The following APP variants were observed in gnomAD, a reference collection of about 807,000 sequenced individuals.
APP encodes amyloid beta precursor protein, also known as amyloid-beta precursor protein.
A neutral mutation model predicts 101.4 loss-of-function variants in APP; 31 were observed. That is an observed-to-expected ratio of 0.31 (90% CI 0.23 to 0.41). APP has a LOEUF of 0.41. APP is among the 10% of genes least tolerant of loss of function. The pLI, the probability that APP is intolerant of heterozygous loss-of-function variation, is 1.00. For synonymous variants in APP, 366 were observed against 364.4 expected (o/e 1.00, Z -0.05); for missense variants, 839 against 1,003.7 (o/e 0.84, Z 2.22).
chr21:26,021,764 G>C, intron 6 of APP, 76 bp downstream of exon 6: 1 of 1,574,608 alleles, frequency 6.4e-7, no homozygotes, highest in Non-Finnish European at 8.7e-7. Context: ...GTGGTGCTAG[G>C]GTGGATATTT....
intron 1 of APP, among the ~76,000 whole-genome samples, chr21:26,135,131 C>T (rs1569016904): frequency 6.6e-6 from 1 of 152,208 alleles, no homozygotes; most frequent in Non-Finnish European, 1.5e-5. Context: ...ATATTATTCC[C>T]TTCTTACAAT....
At chr21:26,051,752 C>T (rs537403606) in intron 4 of APP, among the ~76,000 whole-genome samples, 2 of 152,304 alleles carry the variant, frequency 1.3e-5, no homozygotes, top group Non-Finnish European at 2.9e-5. Flanking sequence ...CCTTGAATGT[C>T]TTTTTGCTTT....
intron 8 of APP, among the ~76,000 whole-genome samples, chr21:25,990,724 C>T (rs768731984): frequency 3.7e-5 from 5 of 134,238 alleles, no homozygotes; most frequent in African/African-American, 6.5e-5. Flanking sequence ...TCTTCTCCTA[C>T]ACTTCTATAT....
At chr21:26,162,390 ACAAGTC>A (rs72385430) in intron 1 of APP, among the ~76,000 whole-genome samples, 2,994 of 152,342 alleles carry the variant, frequency 0.02, 113 homozygotes, top group African/African-American at 0.068. Flanking sequence ...AGTAGATATA[ACAAGTC>A]CTTTTTTAAG....
chr21:26,170,506 G>A (rs1379965959), intron 1 of APP, 58 bp downstream of exon 1: 9 of 1,511,932 alleles, frequency 6.0e-6, no homozygotes, highest in South Asian at 1.2e-5. Context: ...TAAGGTCTTG[G>A]GGGGTATCGC....
At chr21:26,110,834 T>C (rs45507797) in intron 2 of APP, among the ~76,000 whole-genome samples, 3 of 152,194 alleles carry the variant, frequency 2.0e-5, no homozygotes, top group East Asian at 3.9e-4. Flanking sequence ...ATCTGCTGTT[T>C]ATAATGAGTG....
intron 13 of APP, among the ~76,000 whole-genome samples, chr21:25,947,781 C>A (rs527773918): frequency 6.6e-6 from 1 of 151,830 alleles, no homozygotes; most frequent in Non-Finnish European, 1.5e-5. Flanking sequence ...GATGGGCAGA[C>A]CACCTGAGAT....
chr21:25,970,902 G>T (rs987015590), intron 11 of APP, among the ~76,000 whole-genome samples: 10 of 152,144 alleles, frequency 6.6e-5, no homozygotes, highest in Non-Finnish European at 1.0e-4. Flanking sequence ...AATCAAAATG[G>T]TGAGGAAAAT....
intron 13 of APP, among the ~76,000 whole-genome samples, chr21:25,928,459 T>C (rs753079415): frequency 4.6e-5 from 7 of 152,112 alleles, no homozygotes; most frequent in Non-Finnish European, 7.4e-5. Context: ...CACACACACA[T>C]ATCTTCTTGT....
chr21:26,030,833 T>C (rs2146820278), intron 5 of APP, among the ~76,000 whole-genome samples: 1 of 152,328 alleles, frequency 6.6e-6, no homozygotes, highest in African/African-American at 2.4e-5. Flanking sequence ...GTGATCCATA[T>C]ATATTTTGGG....
At chr21:26,061,039 A>T (rs547844484) in intron 3 of APP, among the ~76,000 whole-genome samples, 1 of 152,176 alleles carries the variant, frequency 6.6e-6, no homozygotes, top group South Asian at 2.1e-4. Flanking sequence ...ACTAGAAGTG[A>T]GAAGACCAGG....
At chr21:26,118,903 AATAT>A (rs1007927821) in intron 1 of APP, among the ~76,000 whole-genome samples, 1 of 152,050 alleles carries the variant, frequency 6.6e-6, no homozygotes, top group African/African-American at 2.4e-5. Context: ...ATGAAAAAAA[AATAT>A]ATATATAGTA....
At chr21:26,157,833 T>C (rs528323460) in intron 1 of APP, among the ~76,000 whole-genome samples, 32 of 152,366 alleles carry the variant, frequency 2.1e-4, no homozygotes, top group African/African-American at 7.5e-4. Flanking sequence ...TAAACAGATT[T>C]GAAAAGCTAC....
intron 14 of APP, among the ~76,000 whole-genome samples, chr21:25,907,145 C>G (rs949250760): frequency 3.3e-5 from 5 of 152,148 alleles, no homozygotes; most frequent in Non-Finnish European, 5.9e-5. Context: ...CGCTCTTCTT[C>G]TTCTTCTTCT....
At chr21:26,032,962 C>G (rs532160782) in intron 5 of APP, among the ~76,000 whole-genome samples, 1 of 152,078 alleles carries the variant, frequency 6.6e-6, no homozygotes, top group South Asian at 2.1e-4. Flanking sequence ...ATGGGCTGAA[C>G]AAAGAATGTT....
At chr21:25,947,387 A>C (rs760675063) in intron 13 of APP, among the ~76,000 whole-genome samples, 9 of 152,236 alleles carry the variant, frequency 5.9e-5, no homozygotes, top group Non-Finnish European at 8.8e-5. Flanking sequence ...TAAGGTATGA[A>C]GTGTACTGGC....
chr21:26,164,319 T>A (rs1052421690), intron 1 of APP, among the ~76,000 whole-genome samples: 1 of 152,262 alleles, frequency 6.6e-6, no homozygotes, highest in Admixed American at 6.5e-5. Context: ...TCTCAAGCAA[T>A]CTGCTTTTTG....
At chr21:26,037,081 GA>G (rs1311113431) in intron 5 of APP, among the ~76,000 whole-genome samples, 1 of 152,192 alleles carries the variant, frequency 6.6e-6, no homozygotes, top group Non-Finnish European at 1.5e-5. Context: ...AACATGGATG[GA>G]ACTGGAGGAC....
chr21:25,886,722 A>G lies in APP; in HGVS notation c.2212-4951T>C, dbSNP rs1451258253. 5.9e-5 allele frequency among the ~76,000 whole-genome samples: 9 copies of G among 151,868 alleles called. No homozygotes were observed. In the East Asian group the frequency reaches 1.4e-3, roughly 23 times the overall value. ...TGATCATTTTTGATGCTTTCCTTTG[A>G]TCTTCCAATTTCTCTTCCTGCTGCT... On this transcript the variant is annotated intron_variant, in intron 17 of 17. Transcript: ENST00000346798.
Sources: allele counts gnomAD v4.1 joint callset (sites outside exome capture counted in the v4.1 genomes callset), GRCh38; gene constraint gnomAD v4.1.1; transcripts MANE v1.5; gene names NCBI Gene and HGNC (gene_info 2026-07-23, HGNC 2026-07-21).